Variants in ZEB2 observed in about 807,000 individuals in gnomAD.
ZEB2 encodes zinc finger E-box-binding homeobox 2.
Under a neutral mutation model 99.9 loss-of-function variants are expected in ZEB2, and 6 were observed. That is an observed-to-expected ratio of 0.06 (90% confidence interval 0.03 to 0.12). The LOEUF (loss-of-function observed/expected upper bound fraction) is 0.12, where lower values mean the gene tolerates loss of function less well. Ranked by LOEUF, ZEB2 falls within the 10% of genes least tolerant of loss-of-function variation. ZEB2 has a pLI of 1.00. For synonymous variants in ZEB2, 517 were observed against 542.5 expected, an observed-to-expected ratio of 0.95 and a Z score of 0.65; for missense variants, 969 against 1,502.8, an observed-to-expected ratio of 0.64 and a Z score of 5.87.
intron 4 of ZEB2, among the ~76,000 whole-genome samples, chr2:144,420,196 CA>C (rs1033906263): frequency 6.6e-6 from 1 of 152,160 alleles, no homozygotes; most frequent in African/African-American, 2.4e-5. Flanking sequence ...TTAGGGCAAA[CA>C]TTTTTTTAGT....
intron 4 of ZEB2, 27 bp downstream of exon 4, chr2:144,424,769 G>A: frequency 6.2e-7 from 1 of 1,613,694 alleles, no homozygotes; most frequent in Non-Finnish European, 8.5e-7. Flanking sequence ...GGACAAATGT[G>A]ATCTGAGCGT....
chr2:144,433,194 T>G (rs986520806), intron 2 of ZEB2, among the ~76,000 whole-genome samples: 2 of 152,184 alleles, frequency 1.3e-5, no homozygotes, highest in African/African-American at 4.8e-5. Flanking sequence ...AAATAGACAC[T>G]AATTTTACAT....
At position 144,398,165 on chromosome 2, in the gene ZEB2, G is replaced by C. The variant is rs114294395; in HGVS notation, c.2886+136C>G. The C allele has an allele frequency of 1.2e-3, 1,348 of 1,114,174 alleles. 13 individuals carry two copies. In the African/African-American group the frequency reaches 0.019, roughly 16 times the overall value. 69.0% of individuals were successfully genotyped at this position (1,114,174 alleles called of 1,614,324 possible). On this transcript the variant is annotated intron_variant, in intron 8 of 9. Transcript: ENST00000627532. The stretch of plus-strand genomic sequence containing the variant: ...TCATCCATTGTTCTAGCCCACTGAT[G>C]GTTTTAGGTTCATGTTAAAGCAAAC...
chr2:144,434,105 T>C (rs1703807073), intron 2 of ZEB2, among the ~76,000 whole-genome samples: 1 of 152,166 alleles, frequency 6.6e-6, no homozygotes, highest in Non-Finnish European at 1.5e-5. Context: ...TGTATTAACA[T>C]ACAGAAGAAC....
chr2:144,485,768 G>A (rs1461374219), intron 2 of ZEB2, among the ~76,000 whole-genome samples: 2 of 151,940 alleles, frequency 1.3e-5, no homozygotes, highest in African/African-American at 2.4e-5. Context: ...ACAGGCACTC[G>A]CCACCACGCC....
At chr2:144,421,656 CTTTTTTT>C (rs34583976) in intron 4 of ZEB2, among the ~76,000 whole-genome samples, 1 of 137,324 alleles carries the variant, frequency 7.3e-6, no homozygotes, top group Non-Finnish European at 1.6e-5. Flanking sequence ...GTGTCATAAT[CTTTTTTT>C]TTTTTTTTCA....
chr2:144,489,961 C>T (rs1382908535), intron 2 of ZEB2, among the ~76,000 whole-genome samples: 1 of 152,186 alleles, frequency 6.6e-6, no homozygotes, highest in African/African-American at 2.4e-5. Flanking sequence ...TTGTGGTTAA[C>T]ATGTTGTCAG....
intron 2 of ZEB2, among the ~76,000 whole-genome samples, chr2:144,471,503 C>T (rs1560638386): frequency 2.0e-5 from 3 of 151,948 alleles, no homozygotes; most frequent in Admixed American, 6.6e-5. Flanking sequence ...GTCATGCACA[C>T]TCTTCTCTCT....
chr2:144,427,121 G>A (rs1449782756), intron 3 of ZEB2: 3 of 152,174 alleles, frequency 2.0e-5, no homozygotes, highest in Non-Finnish European at 4.4e-5. Flanking sequence ...CCCCTGGGAT[G>A]AAGATTTGTA....
chr2:144,402,660 C>T (rs1333023018), intron 6 of ZEB2, among the ~76,000 whole-genome samples: 2 of 152,200 alleles, frequency 1.3e-5, no homozygotes, highest in Non-Finnish European at 2.9e-5. Context: ...AACACAATCA[C>T]ACTTCTGCAT....
In ZEB2 at chr2:144,389,279, C is replaced by T. The variant is rs531395694; in HGVS notation, c.*172G>A. 1 of 764,146 alleles carries T rather than the reference C, an allele frequency of 1.3e-6. No homozygotes were observed. The highest frequency in any genetic ancestry group is 1.7e-5 in the South Asian group (1 of 59,322). 47.3% of individuals were successfully genotyped at this position (764,146 alleles called of 1,614,324 possible). ...TTGCATAATGCAGTTTTTAACAATA[C>T]CCAGCTCCAACTCCGTCTACATCTG... On this transcript the variant is annotated 3_prime_UTR_variant, in exon 10 of 10. Transcript: ENST00000627532. The surrounding 1 kb of genome is among the most constrained non-coding windows in gnomAD (Gnocchi z 6.8).
intron 2 of ZEB2, among the ~76,000 whole-genome samples, chr2:144,488,712 T>C (rs368490169): frequency 9.4e-5 from 14 of 148,864 alleles, no homozygotes; most frequent in Middle Eastern, 3.2e-3. Context: ...TGATGGGCAT[T>C]GGCTCATGGG....
intron 2 of ZEB2, among the ~76,000 whole-genome samples, chr2:144,488,706 G>T (rs1187808389): frequency 8.1e-6 from 1 of 123,908 alleles, no homozygotes; most frequent in Non-Finnish European, 1.8e-5. Flanking sequence ...TGTGTGTGAT[G>T]GGCATTGGCT....
At chr2:144,424,357 C>G (rs766254857) in intron 4 of ZEB2, 9 of 518,354 alleles carry the variant, frequency 1.7e-5, no homozygotes, top group South Asian at 1.3e-4. Context: ...GAGAAATGTT[C>G]GTGGAAATTT....
intron 4 of ZEB2, chr2:144,424,212 A>G: frequency 8.5e-6 from 3 of 352,222 alleles, no homozygotes; most frequent in Admixed American, 4.0e-5. Context: ...GTAATTTTTT[A>G]GCTTCATTAA....
At chr2:144,518,616 G>A (rs1573823541) in intron 1 of ZEB2, 1 of 152,226 alleles carries the variant, frequency 6.6e-6, no homozygotes, top group African/African-American at 2.4e-5. Flanking sequence ...AGGGGTGAAG[G>A]GAGGGGGGCA....
In ZEB2 at chr2:144,387,925, A is replaced by T. The variant is rs1021991513; in HGVS notation, c.*1526T>A. 6.6e-6 allele frequency: 1 copy of T among 152,600 alleles called. No homozygotes were observed. Among genetic ancestry groups the T allele is most frequent in the African/African-American group, 2.4e-5 (1 of 41,462 alleles). The allele number at this position is 152,600 out of a possible 1,614,324, so 9.5% of individuals were successfully genotyped here. A position where few individuals can be genotyped will look rare whatever the true frequency, so the allele number is the denominator to read the frequency against. ...AACTAAAATTATATGAAAAAAACATAATTAGCATTATTATAAGCATAAAGC... is the reference window on the plus strand; with the variant it reads ...AACTAAAATTATATGAAAAAAACATTATTAGCATTATTATAAGCATAAAGC... On this transcript the variant is annotated 3_prime_UTR_variant, in exon 10 of 10. Transcript: ENST00000627532.
chr2:144,440,649 C>T (rs1274307296), intron 2 of ZEB2, among the ~76,000 whole-genome samples: 1 of 151,246 alleles, frequency 6.6e-6, no homozygotes, highest in East Asian at 1.9e-4. Context: ...GCATGGTGTG[C>T]CTTGTCCAAA....
intron 1 of ZEB2, chr2:144,517,881 GC>G: frequency 2.0e-6 from 1 of 491,706 alleles, no homozygotes. Flanking sequence ...ACGCGAAACA[GC>G]CCCTGGATGA....
Sources: gnomAD v4.1 joint callset for allele counts (sites outside exome capture counted in the v4.1 genomes callset) on GRCh38, gnomAD v4.1.1 for gene constraint, Gnocchi (gnomAD v3.1) non-coding constraint, MANE v1.5 for transcripts, NCBI Gene and HGNC (gene_info 2026-07-23, HGNC 2026-07-21) for gene names.